SRBD1: variants seen among roughly 807,000 people sequenced by gnomAD.
SRBD1 encodes the protein S1 RNA binding domain 1, also known as S1 RNA-binding domain-containing protein 1.
Under a neutral mutation model 115.3 loss-of-function variants are expected in SRBD1, and 88 were observed. The ratio of observed to expected loss-of-function variants is 0.76; its 90% CI spans 0.64 to 0.91. The LOEUF (loss-of-function observed/expected upper bound fraction) is 0.91, where lower values mean the gene tolerates loss of function less well. Ranked by LOEUF, SRBD1 falls within the 40% of genes least tolerant of loss-of-function variation. SRBD1 has a pLI of 0.00. For synonymous variants in SRBD1, 509 were observed against 407.7 expected (o/e 1.25, Z -2.99); for missense variants, 1,385 against 1,177.4 (o/e 1.18, Z -2.58).
At chr2:45,555,972 A>G (rs1672463091) in intron 10 of SRBD1, among the ~76,000 whole-genome samples, 1 of 152,168 alleles carries the variant, frequency 6.6e-6, no homozygotes, top group Non-Finnish European at 1.5e-5. Flanking sequence ...AATTAATATT[A>G]CCTTAAGGGT....
chr2:45,438,753 T>C (rs1187046419), intron 16 of SRBD1, among the ~76,000 whole-genome samples: 2 of 152,222 alleles, frequency 1.3e-5, no homozygotes, highest in East Asian at 1.9e-4. Flanking sequence ...AAGATCACAA[T>C]GCACAACTAT....
chr2:45,476,945 T>A, intron 16 of SRBD1, 48 bp downstream of exon 16: 2 of 1,544,536 alleles, frequency 1.3e-6, no homozygotes, highest in Non-Finnish European at 1.8e-6. Context: ...TGAGTACTGC[T>A]CCTTGTATTG....
At chr2:45,516,056 T>G (rs1671110173) in intron 14 of SRBD1, among the ~76,000 whole-genome samples, 1 of 152,170 alleles carries the variant, frequency 6.6e-6, no homozygotes, top group Non-Finnish European at 1.5e-5. Flanking sequence ...CAGCCTTGAC[T>G]TTAAACACAG....
intron 1 of SRBD1, among the ~76,000 whole-genome samples, chr2:45,610,623 C>A (rs181822855): frequency 6.6e-6 from 1 of 152,210 alleles, no homozygotes; most frequent in Non-Finnish European, 1.5e-5. Context: ...CTAGAGAGTT[C>A]CCAATTCATT....
rs775354842 is a variant in SRBD1 at position 45,605,414 on chromosome 2, C to G, written c.28G>C (p.Val10Leu). Reference protein sequence around the residue: MSSLPRRAKVQVQDVVLKDE... With the variant: MSSLPRRAKLQVQDVVLKDE... ...TTCAGTACCACATCCTGGACCTGTA[C>G]TTTCGCTCTTCTTGGCAATGATGAC... is the stretch of plus-strand genomic sequence containing the variant. Residue 10 changes from valine (V) to leucine (L), a missense_variant, in exon 2 of 21, where the codon GTA becomes CTA. Val to Leu is a conservative substitution (Grantham distance 32, BLOSUM62 1). Coordinates refer to ENST00000263736, the MANE Select transcript of SRBD1 (RefSeq NM_018079.5). 5.0e-6 allele frequency: 8 copies of G among 1,613,750 alleles called. No individual in the cohort carries two copies. The highest frequency in any genetic ancestry group is 6.8e-6 in the Non-Finnish European group (8 of 1,179,978).
At chr2:45,485,935 A>G (rs1670106415) in intron 15 of SRBD1, among the ~76,000 whole-genome samples, 1 of 152,192 alleles carries the variant, frequency 6.6e-6, no homozygotes, top group South Asian at 2.1e-4. Context: ...GATTTTAAAG[A>G]CTCAAAGTTT....
intron 19 of SRBD1, among the ~76,000 whole-genome samples, chr2:45,402,831 T>C (rs925026594): frequency 6.6e-6 from 1 of 152,168 alleles, no homozygotes; most frequent in African/African-American, 2.4e-5. Flanking sequence ...CACCAAGCAC[T>C]ACTCCTGGCA....
At chr2:45,584,529 T>G (rs182129342) in intron 5 of SRBD1, among the ~76,000 whole-genome samples, 1 of 152,204 alleles carries the variant, frequency 6.6e-6, no homozygotes, top group Non-Finnish European at 1.5e-5. Context: ...AGAAAGCTTG[T>G]CAAGCTTGTT....
chr2:45,488,287 T>C lies in SRBD1; in HGVS notation c.1919A>G (p.Glu640Gly), dbSNP rs1237483365. ...CAGCCCTGGCATCTCTTTGTTAGCT[T>C]CAGGGCTGACACTGTAGATTGATGC... The part of the protein sequence containing the change: ...AGASIYSVSP[E>G]ANKEMPGLDP... Residue 640 changes from glutamate (E) to glycine (G), a missense_variant, in exon 15 of 21, where the codon GAA becomes GGA. Transcript: ENST00000263736. 25 of 1,614,010 alleles carry C rather than the reference T, an allele frequency of 1.5e-5. No individual in the cohort carries two copies. The highest frequency in any genetic ancestry group is 2.1e-5 in the Non-Finnish European group (25 of 1,179,962).
At chr2:45,564,602 T>TA (rs1193675255) in intron 9 of SRBD1, among the ~76,000 whole-genome samples, 1 of 152,144 alleles carries the variant, frequency 6.6e-6, no homozygotes, top group African/African-American at 2.4e-5. Flanking sequence ...ATACTAGCAA[T>TA]AAACATTCTG....
intron 16 of SRBD1, among the ~76,000 whole-genome samples, chr2:45,458,066 A>G (rs1180668777): frequency 2.0e-5 from 3 of 152,046 alleles, no homozygotes; most frequent in Non-Finnish European, 1.5e-5. Context: ...ATCAAAGAGA[A>G]AATAATATAT....
At chr2:45,566,089 G>A (rs1012330496) in intron 9 of SRBD1, among the ~76,000 whole-genome samples, 6 of 152,150 alleles carry the variant, frequency 3.9e-5, no homozygotes, top group African/African-American at 9.7e-5. Flanking sequence ...TAGAGAAATC[G>A]GAACCTTCAC....
At chr2:45,390,316 T>C (rs150879404) in intron 20 of SRBD1, among the ~76,000 whole-genome samples, 1 of 152,216 alleles carries the variant, frequency 6.6e-6, no homozygotes, top group Non-Finnish European at 1.5e-5. Flanking sequence ...GAAACAATGA[T>C]GAAGATACAG....
At chr2:45,485,041 C>G (rs1172302143) in intron 15 of SRBD1, among the ~76,000 whole-genome samples, 1 of 152,150 alleles carries the variant, frequency 6.6e-6, no homozygotes, top group Non-Finnish European at 1.5e-5. Flanking sequence ...GCTATAAGCA[C>G]TTGTGTACAA....
intron 1 of SRBD1, among the ~76,000 whole-genome samples, chr2:45,609,626 T>G (rs1277678089): frequency 6.6e-6 from 1 of 152,164 alleles, no homozygotes; most frequent in Non-Finnish European, 1.5e-5. Flanking sequence ...TTGCTGGAGC[T>G]CCTCAGCTCT....
At chr2:45,487,692 T>C (rs1039979605) in intron 15 of SRBD1, among the ~76,000 whole-genome samples, 3 of 152,174 alleles carry the variant, frequency 2.0e-5, no homozygotes, top group African/African-American at 7.2e-5. Context: ...TCTTGCTCTG[T>C]CACCCAGGCT....
At chr2:45,406,510 G>C (rs1222326514) in intron 19 of SRBD1, among the ~76,000 whole-genome samples, 1 of 152,050 alleles carries the variant, frequency 6.6e-6, no homozygotes, top group Non-Finnish European at 1.5e-5. Flanking sequence ...ATATTTAATT[G>C]ACATTCTACC....
intron 16 of SRBD1, among the ~76,000 whole-genome samples, chr2:45,426,411 C>T (rs1351732862): frequency 6.6e-6 from 1 of 152,202 alleles, no homozygotes; most frequent in African/African-American, 2.4e-5. Context: ...GAAGGCGTGG[C>T]TGTGGGCGCA....
At chr2:45,415,425 G>A (rs532322918) in intron 18 of SRBD1, among the ~76,000 whole-genome samples, 2 of 97,494 alleles carry the variant, frequency 2.1e-5, no homozygotes, top group African/African-American at 1.1e-4. Flanking sequence ...GTGTGTATAT[G>A]TGTATATACA....
Sources: allele counts gnomAD v4.1 joint callset (sites outside exome capture counted in the v4.1 genomes callset), GRCh38; gene constraint gnomAD v4.1.1; transcripts MANE v1.5; gene names NCBI Gene and HGNC (gene_info 2026-07-23, HGNC 2026-07-21).